The following TBC1D1 variants were observed in gnomAD, a reference collection of about 807,000 sequenced individuals.
TBC1D1 encodes TBC1 (tre-2/USP6, BUB2, cdc16) domain family, member 1.
Under a neutral mutation model 125.6 loss-of-function variants are expected in TBC1D1, and 89 were observed. That is an observed-to-expected ratio of 0.71 (90% confidence interval 0.60 to 0.85). The LOEUF (loss-of-function observed/expected upper bound fraction) is 0.85. Among genes scored for constraint, TBC1D1 ranks in the 40% least tolerant of loss-of-function variants. The pLI is 0.00. For missense variants in TBC1D1, 1,377 were observed against 1,469.2 expected, an observed-to-expected ratio of 0.94 and a Z score of 1.03; for synonymous variants, 565 against 564.1, an observed-to-expected ratio of 1.00 and a Z score of -0.02.
chr4:37,954,124 T>C (rs1328751070), intron 2 of TBC1D1, among the ~76,000 whole-genome samples: 2 of 152,210 alleles, frequency 1.3e-5, no homozygotes, highest in Non-Finnish European at 2.9e-5. Flanking sequence ...CATTCCACTT[T>C]GCAATCCCTA....
chr4:37,899,185 A>G (rs975422026), intron 1 of TBC1D1, among the ~76,000 whole-genome samples: 3 of 151,768 alleles, frequency 2.0e-5, no homozygotes, highest in Non-Finnish European at 4.4e-5. Context: ...TAGAGGTAGT[A>G]ATAGGATGAA....
At chr4:37,929,760 T>C (rs993005910) in intron 2 of TBC1D1, among the ~76,000 whole-genome samples, 5 of 152,208 alleles carry the variant, frequency 3.3e-5, no homozygotes, top group African/African-American at 1.2e-4. Flanking sequence ...ATGTCTTCTG[T>C]AGTCCTCCCT....
At chr4:38,010,065 A>T (rs999872780) in intron 2 of TBC1D1, among the ~76,000 whole-genome samples, 1 of 152,256 alleles carries the variant, frequency 6.6e-6, no homozygotes, top group Non-Finnish European at 1.5e-5. Flanking sequence ...TATTTGCCCA[A>T]AAAGGATCTG....
intron 14 of TBC1D1, among the ~76,000 whole-genome samples, chr4:38,098,262 C>G (rs1258974910): frequency 6.6e-6 from 1 of 152,202 alleles, no homozygotes; most frequent in Middle Eastern, 3.2e-3. Flanking sequence ...CCCCAAATTG[C>G]TGTTTTGAAA....
At chr4:37,985,403 A>T (rs2003409) in intron 2 of TBC1D1, among the ~76,000 whole-genome samples, 75,654 of 151,968 alleles carry the variant, frequency 0.5, 19,610 homozygotes, top group East Asian at 0.91. Flanking sequence ...CAGAAAAATT[A>T]CCTTAATTTT....
chr4:38,102,930 C>A, intron 14 of TBC1D1, 69 bp from the exon 17 acceptor site: 14 of 1,405,428 alleles, frequency 1.0e-5, no homozygotes, highest in South Asian at 4.3e-5. Context: ...ACATGAAACA[C>A]AATTCATTTT....
intron 17 of TBC1D1, among the ~76,000 whole-genome samples, chr4:38,119,633 CT>C (rs1432866202): frequency 6.6e-6 from 1 of 152,104 alleles, no homozygotes; most frequent in Non-Finnish European, 1.5e-5. Context: ...CCAATAACTT[CT>C]ATGTTTTTGA....
chr4:38,012,215 A>G (rs891140644), intron 2 of TBC1D1, among the ~76,000 whole-genome samples: 1 of 152,206 alleles, frequency 6.6e-6, no homozygotes, highest in Non-Finnish European at 1.5e-5. Context: ...AATGTTCTTT[A>G]CAGAAATCAC....
At chr4:38,109,749 A>G (rs1761927537) in intron 15 of TBC1D1, among the ~76,000 whole-genome samples, 1 of 152,204 alleles carries the variant, frequency 6.6e-6, no homozygotes, top group African/African-American at 2.4e-5. Context: ...TCTGGGAAGC[A>G]CACGTTCTAG....
At chr4:38,070,648 T>C (rs1320561448) in intron 12 of TBC1D1, among the ~76,000 whole-genome samples, 1 of 152,230 alleles carries the variant, frequency 6.6e-6, no homozygotes, top group Admixed American at 6.5e-5. Context: ...CTATAAAAAT[T>C]ATTGTATCTA....
At chr4:38,017,963 T>C (rs1368237695) in intron 3 of TBC1D1, among the ~76,000 whole-genome samples, 3 of 152,228 alleles carry the variant, frequency 2.0e-5, no homozygotes, top group African/African-American at 7.2e-5. Flanking sequence ...AAACAAATGG[T>C]AGATTCTTTT....
chr4:38,095,581 C>T (rs1378820973), intron 13 of TBC1D1, among the ~76,000 whole-genome samples: 3 of 152,164 alleles, frequency 2.0e-5, no homozygotes, highest in Non-Finnish European at 4.4e-5. Context: ...CCATGCTAGT[C>T]ATTGGGAATT....
At chr4:38,079,981 A>G (rs892932822) in intron 12 of TBC1D1, among the ~76,000 whole-genome samples, 32 of 152,226 alleles carry the variant, frequency 2.1e-4, no homozygotes, top group Non-Finnish European at 3.4e-4. Flanking sequence ...CCAATTGTTC[A>G]AATCCAGGTT....
At chr4:37,982,768 A>G (rs1025351118) in intron 2 of TBC1D1, among the ~76,000 whole-genome samples, 3 of 152,212 alleles carry the variant, frequency 2.0e-5, no homozygotes, top group Admixed American at 1.3e-4. Flanking sequence ...TCTGATTTTA[A>G]CCTGTATGTG....
intron 16 of TBC1D1, among the ~76,000 whole-genome samples, chr4:38,117,371 A>G (rs1252725865): frequency 6.6e-6 from 1 of 152,134 alleles, no homozygotes; most frequent in Admixed American, 6.5e-5. Flanking sequence ...TGGTGGCACT[A>G]CTAGGAACTG....
intron 2 of TBC1D1, among the ~76,000 whole-genome samples, chr4:37,978,231 C>T (rs930746850): frequency 6.6e-6 from 1 of 152,176 alleles, no homozygotes; most frequent in African/African-American, 2.4e-5. Flanking sequence ...ACAGTAATAG[C>T]ATCAATAGCA....
intron 2 of TBC1D1, among the ~76,000 whole-genome samples, chr4:37,925,448 T>A (rs1242777440): frequency 6.6e-6 from 1 of 152,202 alleles, no homozygotes; most frequent in Non-Finnish European, 1.5e-5. Context: ...CTGGTTGTGG[T>A]GGCTTACGCC....
At chr4:38,087,055 T>C (rs1757605207) in intron 12 of TBC1D1, among the ~76,000 whole-genome samples, 1 of 152,194 alleles carries the variant, frequency 6.6e-6, no homozygotes. Flanking sequence ...GATCATAATA[T>C]CACCTGTCCT....
intron 6 of TBC1D1, among the ~76,000 whole-genome samples, chr4:38,021,999 G>A (rs1307329668): frequency 6.6e-6 from 1 of 152,162 alleles, no homozygotes; most frequent in Non-Finnish European, 1.5e-5. Flanking sequence ...TTACCAAACC[G>A]GTTGCCTAGT....
Sources: gnomAD v4.1 joint callset for allele counts (sites outside exome capture counted in the v4.1 genomes callset) on GRCh38, gnomAD v4.1.1 for gene constraint, MANE v1.5 for transcripts, NCBI Gene and HGNC (gene_info 2026-07-23, HGNC 2026-07-21) for gene names.